SAMD9: variants seen among roughly 807,000 people sequenced by gnomAD.
SAMD9 encodes the protein sterile alpha motif domain-containing protein 9.
In SAMD9, 3 loss-of-function variants were observed where a neutral mutation model predicts 1.5. That is an observed-to-expected ratio of 2.05 (90% CI 0.93 to 5.29). The LOEUF is 5.29. Ranked by LOEUF, SAMD9 falls within the 30% of genes most tolerant of loss-of-function variation. The probability of loss-of-function intolerance (pLI) is 0.02; values close to 1 mark genes in which losing one functional copy is unlikely to be tolerated. For synonymous variants in SAMD9, 635 were observed against 631.9 expected (o/e 1.00, Z -0.07); for missense variants, 1,597 against 1,820.8 (o/e 0.88, Z 2.24).
chr7:93,106,145 A>T, intron 2 of SAMD9, 40 bp from the exon 3 acceptor site: 1 of 1,408,038 alleles, frequency 7.1e-7, no homozygotes, highest in East Asian at 2.5e-5. Flanking sequence ...TATTATTAAA[A>T]GTAAAATTTT....
In SAMD9 at chr7:93,105,639, C is replaced by G. The variant is rs753904283; in HGVS notation, c.459G>C (p.Arg153Ser). The change falls in exon 3 of 3, where the codon AGG (arginine) becomes AGC (serine). Residue 153 changes from arginine (R) to serine (S), a missense_variant. Physicochemically the swap from Arg to Ser is moderately radical, Grantham distance 110. Coordinates refer to ENST00000379958, the MANE Select transcript of SAMD9 (RefSeq NM_017654.4). ...CACATGTCAGGTCTATGGATGGTTG[C>G]CTTTCCTTTGTATAATCTATTTTAT... ...IEDKIDYTKE[R>S]QPSIDLTCVS... 1 of 1,614,060 alleles carries G rather than the reference C, an allele frequency of 6.2e-7. No individual in the cohort carries two copies. Among genetic ancestry groups the G allele is most frequent in the South Asian group, 1.1e-5 (1 of 91,078 alleles).
Position 93,103,972 on chromosome 7 carries a change from T to A in SAMD9, c.2126A>T (p.Asp709Val). The change falls in exon 3 of 3, where the codon GAT (aspartate) becomes GTT (valine). Residue 709 changes from aspartate to valine, a missense_variant. Physicochemically the swap from Asp to Val is radical, Grantham distance 152. This residue lies in a region of SAMD9 where 358 missense variants were observed against 460.4 expected (regional missense o/e 0.78). Transcript: ENST00000379958. ...CATTGCTTCAAGTCTTTCATATTTATCCCTTTTGACAAAAGGTGAAGAATA... is the reference window on the plus strand; with the variant it reads ...CATTGCTTCAAGTCTTTCATATTTAACCCTTTTGACAAAAGGTGAAGAATA... ...ESYSSPFVKR[D>V]KYERLEAMIQ... The A allele has an allele frequency of 2.5e-6, 4 of 1,613,548 alleles. No individual in the cohort carries two copies. The highest frequency in any genetic ancestry group is 3.4e-6 in the Non-Finnish European group (4 of 1,179,620).
chr7:93,100,521 G>A lies in SAMD9; in HGVS notation c.*807C>T, dbSNP rs940171122. ...GAAAATTACATTTTGATTACGTATC[G>A]CTGGTTGTTTTTGTTCAAAACATAG... On this transcript the variant is annotated 3_prime_UTR_variant, in exon 3 of 3. Coordinates refer to ENST00000379958, the MANE Select transcript of SAMD9 (RefSeq NM_017654.4). 6.6e-6 allele frequency: 1 copy of A among 152,010 alleles called. No homozygotes were observed. The highest frequency in any genetic ancestry group is 2.4e-5 in the African/African-American group (1 of 41,368). The allele number at this position is 152,010 out of a possible 1,614,324, so 9.4% of individuals were successfully genotyped here.
At chr7:93,112,087 C>T (rs986226056) in intron 2 of SAMD9, among the ~76,000 whole-genome samples, 3 of 152,208 alleles carry the variant, frequency 2.0e-5, no homozygotes, top group South Asian at 4.1e-4. Context: ...TCCAGCAGCA[C>T]ATCAAAAAGC....
chr7:93,111,389 T>A (rs1001082548), intron 2 of SAMD9, among the ~76,000 whole-genome samples: 8 of 151,892 alleles, frequency 5.3e-5, no homozygotes, highest in African/African-American at 1.9e-4. Context: ...ACATCACAAT[T>A]AAAAGAACTA....
chr7:93,111,737 A>G lies in SAMD9; in HGVS notation c.-9+3058T>C, dbSNP rs189646727. 2.0e-3 allele frequency among the ~76,000 whole-genome samples: 312 copies of G among 152,260 alleles called. 2 individuals carry two copies. Among genetic ancestry groups the G allele is most frequent in the African/African-American group, 6.9e-3 (288 of 41,524 alleles). ...AATGGATAAATTCCTCGACACATAC[A>G]CCCTCCCAAGACTAAATCAGGAAGA... On this transcript the variant is annotated intron_variant, in intron 2 of 2. Coordinates refer to ENST00000379958, the MANE Select transcript of SAMD9 (RefSeq NM_017654.4).
At position 93,102,031 on chromosome 7, in the gene SAMD9, T is replaced by C. The variant is rs202023980; in HGVS notation, c.4067A>G (p.Glu1356Gly). ...GLLEYLIKSQ[E>G]DAISTMKCIV... ...ACATTTCATAGTGCTTATAGCATCC[T>C]CTTGACTTTTGATAAGATATTCCAA... is the stretch of plus-strand genomic sequence containing the variant. Residue 1356 changes from glutamate to glycine, a missense_variant, in exon 3 of 3, where the codon GAG becomes GGG. By Grantham distance (98) the Glu-to-Gly change is moderately conservative. This residue lies in a region of SAMD9 where 682 missense variants were observed against 810.0 expected (regional missense o/e 0.84). Transcript: ENST00000379958. 3.3e-4 allele frequency: 533 copies of C among 1,613,432 alleles called. 6 individuals are homozygous for C. In the South Asian group the frequency reaches 4.0e-3, roughly 12 times the overall value.
rs1791511167 is a variant in SAMD9 at position 93,100,595 on chromosome 7, C to T, written c.*733G>A. ...ATTGGCATCTTCTGGATGAGGGACT[C>T]ATTAGTCTTCTCACAAGAGTCCCTT... is the stretch of plus-strand genomic sequence containing the variant. On this transcript the variant is annotated 3_prime_UTR_variant, in exon 3 of 3. Transcript: ENST00000379958. 1 of 151,418 alleles carries T rather than the reference C, an allele frequency of 6.6e-6. No individual in the cohort carries two copies. Among genetic ancestry groups the T allele is most frequent in the African/African-American group, 2.4e-5 (1 of 41,198 alleles). The allele number at this position is 151,418 out of a possible 1,614,324, so 9.4% of individuals were successfully genotyped here. A position where few individuals can be genotyped will look rare whatever the true frequency, so the allele number is the denominator to read the frequency against.
chr7:93,102,750 A>C lies in SAMD9; in HGVS notation c.3348T>G (p.Asn1116Lys). ...AKQAKIIEPD[N>K]SYISDTLGQV... ...GACCCAGTGTATCTGAGATATAAGA[A>C]TTGTCAGGTTCTATGATTTTTGCTT... Residue 1116 changes from asparagine (N) to lysine (K), a missense_variant, in exon 3 of 3, where the codon AAT becomes AAG. Physicochemically the swap from Asn to Lys is moderately conservative, Grantham distance 94 (BLOSUM62 0). Coordinates refer to ENST00000379958, the MANE Select transcript of SAMD9 (RefSeq NM_017654.4). 6.2e-7 allele frequency: 1 copy of C among 1,613,848 alleles called. No homozygotes were observed. The highest frequency in any genetic ancestry group is 8.5e-7 in the Non-Finnish European group (1 of 1,179,774).
chr7:93,117,748 A>G (rs1267688144), intron 1 of SAMD9, 115 bp downstream of exon 1: 1 of 152,172 alleles, frequency 6.6e-6, no homozygotes, highest in Admixed American at 6.5e-5. Context: ...TTAGAATACT[A>G]TTTTTTGTTT....
At chr7:93,117,632 T>C (rs1290732682) in intron 1 of SAMD9, among the ~76,000 whole-genome samples, 1 of 152,180 alleles carries the variant, frequency 6.6e-6, no homozygotes, top group Non-Finnish European at 1.5e-5. Flanking sequence ...TCAATAAAAG[T>C]GTCTGTAGTT....
chr7:93,113,566 C>G (rs1791782684), intron 2 of SAMD9, among the ~76,000 whole-genome samples: 1 of 152,130 alleles, frequency 6.6e-6, no homozygotes, highest in Non-Finnish European at 1.5e-5. Context: ...TGACAAAGGG[C>G]TAATATCCGG....
chr7:93,113,491 G>T (rs1172487058), intron 2 of SAMD9, among the ~76,000 whole-genome samples: 1 of 152,150 alleles, frequency 6.6e-6, no homozygotes. Context: ...CACAGCAAAA[G>T]AAACTATCAT....
chr7:93,110,053 G>A (rs571745663), intron 2 of SAMD9, among the ~76,000 whole-genome samples: 3 of 152,332 alleles, frequency 2.0e-5, no homozygotes, highest in Middle Eastern at 3.4e-3. Flanking sequence ...AGGGCAGCCA[G>A]AAAGAAAGGT....
intron 2 of SAMD9, among the ~76,000 whole-genome samples, chr7:93,111,689 A>G (rs1327864167): frequency 6.6e-6 from 1 of 152,246 alleles, no homozygotes; most frequent in African/African-American, 2.4e-5. Flanking sequence ...CCTCTATGCA[A>G]ATAAACTTGA....
Position 93,101,099 on chromosome 7 carries a change from C to T in SAMD9, c.*229G>A. On this transcript the variant is annotated 3_prime_UTR_variant, in exon 3 of 3. Coordinates refer to ENST00000379958, the MANE Select transcript of SAMD9 (RefSeq NM_017654.4). ...ATTATTTTGTCATCAATGATGTTAA[C>T]CAAACCAAGGAACATATTTGCTACT... The T allele has an allele frequency of 1.8e-6, 1 of 547,848 alleles. No homozygotes were observed. Among genetic ancestry groups the T allele is most frequent in the South Asian group, 2.1e-5 (1 of 47,574 alleles). 33.9% of individuals were successfully genotyped at this position (547,848 alleles called of 1,614,324 possible). A position where few individuals can be genotyped will look rare whatever the true frequency, so the allele number is the denominator to read the frequency against.
At chr7:93,113,086 G>A (rs1791773902) in intron 2 of SAMD9, among the ~76,000 whole-genome samples, 1 of 152,124 alleles carries the variant, frequency 6.6e-6, no homozygotes, top group African/African-American at 2.4e-5. Context: ...AAACAGCATG[G>A]TACTGGTACC....
In SAMD9 at chr7:93,114,906, G is replaced by A. The variant is rs1791809783; in HGVS notation, c.-109-11C>T. On this transcript the variant is annotated splice_polypyrimidine_tract_variant and intron_variant, in intron 1 of 2. Coordinates refer to ENST00000379958, the MANE Select transcript of SAMD9 (RefSeq NM_017654.4). ...CCATGAGATCAAAATCTGAAAAATT[G>A]CAAAACTCATATTTTTAAGTAATCA... The A allele has an allele frequency of 6.6e-6, 1 of 152,152 alleles. No individual in the cohort carries two copies. Among genetic ancestry groups the A allele is most frequent in the African/African-American group, 2.4e-5 (1 of 41,426 alleles). The allele number at this position is 152,152 out of a possible 1,614,324, so 9.4% of individuals were successfully genotyped here. A position where few individuals can be genotyped will look rare whatever the true frequency, so the allele number is the denominator to read the frequency against.
chr7:93,108,506 G>A (rs998484472), intron 2 of SAMD9, among the ~76,000 whole-genome samples: 14 of 152,178 alleles, frequency 9.2e-5, no homozygotes, highest in Non-Finnish European at 1.6e-4. Context: ...GCAGGGCATC[G>A]CATCCCACAG....
Sources: allele counts gnomAD v4.1 joint callset (sites outside exome capture counted in the v4.1 genomes callset), GRCh38; gene constraint gnomAD v4.1.1; regional missense constraint gnomAD v4.1.1; transcripts MANE v1.5; gene names NCBI Gene and HGNC (gene_info 2026-07-23, HGNC 2026-07-21).